The following MITF variants were observed in gnomAD, a reference collection of about 807,000 sequenced individuals.
MITF encodes the protein microphthalmia-associated transcription factor.
MITF carries 17 observed loss-of-function variants against 60.5 expected under a neutral mutation model. That is an observed-to-expected ratio of 0.28 (90% CI 0.19 to 0.42). The LOEUF is 0.42. MITF is among the 10% of genes least tolerant of loss of function. The pLI is 1.00. For missense variants in MITF, 622 were observed against 683.5 expected (o/e 0.91, Z 1.00); for synonymous variants, 260 against 248.5 (o/e 1.05, Z -0.43).
intron 1 of MITF, among the ~76,000 whole-genome samples, chr3:69,797,055 T>A (rs2062843228): frequency 6.6e-6 from 1 of 152,218 alleles, no homozygotes; most frequent in African/African-American, 2.4e-5. Context: ...TCTACTATTC[T>A]AAGTTTATAA....
chr3:69,813,352 T>C (rs2063130476), intron 1 of MITF, among the ~76,000 whole-genome samples: 1 of 152,204 alleles, frequency 6.6e-6, no homozygotes, highest in Non-Finnish European at 1.5e-5. Flanking sequence ...TAAGTCTCCC[T>C]CTGGGAAGCG....
chr3:69,958,161 T>G (rs1483410467), intron 8 of MITF, among the ~76,000 whole-genome samples: 1 of 152,252 alleles, frequency 6.6e-6, no homozygotes, highest in Non-Finnish European at 1.5e-5. Flanking sequence ...ATCACTTCTT[T>G]TAAACTGAGT....
intron 1 of MITF, among the ~76,000 whole-genome samples, chr3:69,827,249 G>T (rs978608308): frequency 6.6e-6 from 1 of 152,174 alleles, no homozygotes; most frequent in Non-Finnish European, 1.5e-5. Flanking sequence ...AGACACTGTG[G>T]TGCAGGCTTT....
At chr3:69,784,164 TTTGTTGTTGTTG>T (rs372749718) in intron 1 of MITF, among the ~76,000 whole-genome samples, 8 of 151,702 alleles carry the variant, frequency 5.3e-5, no homozygotes, top group African/African-American at 1.5e-4. Context: ...TGCTTTTTGT[TTTGTTGTTGTTG>T]TTGTTGTTGT....
intron 2 of MITF, among the ~76,000 whole-genome samples, chr3:69,925,533 G>T (rs2065565937): frequency 6.6e-6 from 1 of 152,102 alleles, no homozygotes; most frequent in South Asian, 2.1e-4. Context: ...GAAGCCAAGG[G>T]CATTTTCAAA....
chr3:69,926,106 C>T (rs1172295474), intron 2 of MITF, among the ~76,000 whole-genome samples: 2 of 152,050 alleles, frequency 1.3e-5, no homozygotes, highest in African/African-American at 4.8e-5. Flanking sequence ...AACCTGCATG[C>T]GAAGCTCTCA....
intron 1 of MITF, among the ~76,000 whole-genome samples, chr3:69,834,303 T>C (rs1208206709): frequency 6.6e-6 from 1 of 152,204 alleles, no homozygotes; most frequent in African/African-American, 2.4e-5. Context: ...CACTAACCTG[T>C]CCCTATCCTT....
rs17006549 is a variant in MITF, at chr3:69,879,526, G to A, written c.354+143G>A. 3.7e-3 allele frequency: 5,258 copies of A among 1,414,766 alleles called. 139 individuals carry two copies. In the African/African-American group the frequency reaches 0.06, roughly 16 times the overall value. The allele number at this position is 1,414,766 out of a possible 1,614,324, so 87.6% of individuals were successfully genotyped here. On this transcript the variant is annotated intron_variant, in intron 2 of 9. Transcript: ENST00000352241. ...AAACTCCAACTCCCTTAATTCTTACGTGGCTTTATATTTTAAAAGAAGGAT... is the reference window on the plus strand; with the variant it reads ...AAACTCCAACTCCCTTAATTCTTACATGGCTTTATATTTTAAAAGAAGGAT...
At chr3:69,887,999 AG>A (rs754923013) in intron 2 of MITF, among the ~76,000 whole-genome samples, 20 of 152,092 alleles carry the variant, frequency 1.3e-4, no homozygotes, top group East Asian at 1.2e-3. Flanking sequence ...AACAAGGTGT[AG>A]GAATCCTGCA....
At chr3:69,836,579 C>G (rs1331046110) in intron 1 of MITF, among the ~76,000 whole-genome samples, 1 of 152,106 alleles carries the variant, frequency 6.6e-6, no homozygotes, top group African/African-American at 2.4e-5. Flanking sequence ...TTTCTCATGA[C>G]AATTTTACAA....
At chr3:69,940,787 T>C (rs2065950295) in intron 4 of MITF, among the ~76,000 whole-genome samples, 2 of 152,256 alleles carry the variant, frequency 1.3e-5, no homozygotes, top group Admixed American at 1.3e-4. Context: ...CTGTGGTACA[T>C]CTCTCCTGTT....
At chr3:69,831,462 A>G (rs765529809) in intron 1 of MITF, among the ~76,000 whole-genome samples, 12 of 152,180 alleles carry the variant, frequency 7.9e-5, no homozygotes, top group Non-Finnish European at 1.2e-4. Context: ...GGTTGTCACT[A>G]TCATAGTAAT....
At chr3:69,926,767 A>G (rs1424405923) in intron 2 of MITF, among the ~76,000 whole-genome samples, 2 of 152,242 alleles carry the variant, frequency 1.3e-5, no homozygotes, top group African/African-American at 4.8e-5. Context: ...GTCAAATATT[A>G]TACAAATGCA....
At chr3:69,791,385 T>A (rs185715301) in intron 1 of MITF, among the ~76,000 whole-genome samples, 4 of 152,310 alleles carry the variant, frequency 2.6e-5, no homozygotes, top group Non-Finnish European at 5.9e-5. Flanking sequence ...TTGAGTGTCA[T>A]AACAGAGAAA....
chr3:69,932,334 A>T (rs2065742403), intron 2 of MITF, among the ~76,000 whole-genome samples: 1 of 152,184 alleles, frequency 6.6e-6, no homozygotes, highest in South Asian at 2.1e-4. Context: ...ATCCACATTG[A>T]AATCTGAATT....
intron 2 of MITF, among the ~76,000 whole-genome samples, chr3:69,895,378 G>T (rs932698825): frequency 6.6e-6 from 1 of 152,122 alleles, no homozygotes; most frequent in African/African-American, 2.4e-5. Context: ...TAATAATAAT[G>T]TTAATCCTGG....
chr3:69,906,168 G>A (rs2065094541), intron 2 of MITF, among the ~76,000 whole-genome samples: 1 of 152,002 alleles, frequency 6.6e-6, no homozygotes, highest in African/African-American at 2.4e-5. Flanking sequence ...AGGGTTTTTT[G>A]TAAATATGGA....
At chr3:69,919,643 T>A (rs1256920973) in intron 2 of MITF, among the ~76,000 whole-genome samples, 1 of 152,172 alleles carries the variant, frequency 6.6e-6, no homozygotes, top group Non-Finnish European at 1.5e-5. Context: ...TCTTGCCCCA[T>A]CTCTGAGAGC....
chr3:69,822,194 G>T (rs2063286788), intron 1 of MITF, among the ~76,000 whole-genome samples: 1 of 152,136 alleles, frequency 6.6e-6, no homozygotes, highest in African/African-American at 2.4e-5. Context: ...AATTAAGAAT[G>T]ATTTTCACAT....
Sources: gnomAD v4.1 joint callset for allele counts (sites outside exome capture counted in the v4.1 genomes callset) on GRCh38, gnomAD v4.1.1 for gene constraint, MANE v1.5 for transcripts, NCBI Gene and HGNC (gene_info 2026-07-23, HGNC 2026-07-21) for gene names.